The following HSD17B13 variants were observed in gnomAD, a reference collection of about 807,000 sequenced individuals.
The protein encoded by HSD17B13 is hydroxysteroid 17-beta dehydrogenase 13, also known as 17-beta-hydroxysteroid dehydrogenase 13.
In HSD17B13, 26 loss-of-function variants were observed where a neutral mutation model predicts 31.1. The ratio of observed to expected loss-of-function variants is 0.84; its 90% CI spans 0.61 to 1.16. HSD17B13 has a LOEUF of 1.16. Ranked by LOEUF, HSD17B13 falls within the 50% of genes most tolerant of loss-of-function variation. HSD17B13 has a pLI of 0.00. For synonymous variants in HSD17B13, 141 were observed against 133.7 expected (o/e 1.05, Z -0.38); for missense variants, 374 against 366.5 (o/e 1.02, Z -0.17).
intron 1 of HSD17B13, among the ~76,000 whole-genome samples, chr4:87,319,946 A>G (rs1213280624): frequency 1.3e-5 from 2 of 152,240 alleles, no homozygotes; most frequent in Non-Finnish European, 2.9e-5. Context: ...AAGGTTTTAA[A>G]AATTATACTT....
chr4:87,305,866 A>G (rs1734379039), intron 6 of HSD17B13, among the ~76,000 whole-genome samples: 1 of 152,182 alleles, frequency 6.6e-6, no homozygotes, highest in Non-Finnish European at 1.5e-5. Flanking sequence ...GTGTGTTCTG[A>G]TTACAGCATC....
rs567774337 is a variant in HSD17B13 at position 87,310,284 on chromosome 4, A to G, written c.771T>C (p.Ile257=). The change falls in exon 6 of 7, where the codon ATT becomes ATC. Residue 257 remains isoleucine, a synonymous_variant. Coordinates refer to ENST00000328546, the MANE Select transcript of HSD17B13 (RefSeq NM_178135.5). ...IDGILTNKKM[I]FVPSYINIFL... is the part of the protein sequence containing the mutation. ...AGATATTGATATACGATGGAACAAA[A>G]ATCATTTTCTTATTGGTAAGTATTC... 1.3e-6 allele frequency: 2 copies of G among 1,582,900 alleles called. No individual in the cohort carries two copies. The highest frequency in any genetic ancestry group is 2.3e-5 in the South Asian group (2 of 85,236).
chr4:87,305,061 A>C lies in HSD17B13; in HGVS notation c.*157T>G. 2.3e-6 allele frequency: 1 copy of C among 432,414 alleles called. No individual in the cohort carries two copies. Among genetic ancestry groups the C allele is most frequent in the Non-Finnish European group, 4.0e-6 (1 of 248,374 alleles). 26.8% of individuals were successfully genotyped at this position (432,414 alleles called of 1,614,324 possible). On this transcript the variant is annotated 3_prime_UTR_variant, in exon 7 of 7. Coordinates refer to ENST00000328546, the MANE Select transcript of HSD17B13 (RefSeq NM_178135.5). ...GTAAATATTCTTGAGAAACAGGAAG[A>C]CAGGTAATTAATCTTGTTCGTTTGA...
intron 5 of HSD17B13, among the ~76,000 whole-genome samples, chr4:87,311,782 C>T (rs1734534917): frequency 6.6e-6 from 1 of 152,168 alleles, no homozygotes; most frequent in African/African-American, 2.4e-5. Flanking sequence ...TGGTTTGCTG[C>T]AGATTATTAT....
intron 5 of HSD17B13, among the ~76,000 whole-genome samples, chr4:87,312,573 A>G (rs1194286382): frequency 1.8e-5 from 2 of 111,680 alleles, no homozygotes; most frequent in Non-Finnish European, 3.3e-5. Context: ...TCTGTCGCCC[A>G]GGCTGGAGTG....
intron 4 of HSD17B13, among the ~76,000 whole-genome samples, chr4:87,314,704 A>G (rs1303305490): frequency 6.7e-6 from 1 of 148,428 alleles, no homozygotes; most frequent in African/African-American, 2.5e-5. Flanking sequence ...AAATGTTTTG[A>G]TCCAGGGACC....
At chr4:87,306,711 C>T (rs1010212899) in intron 6 of HSD17B13, among the ~76,000 whole-genome samples, 1 of 151,906 alleles carries the variant, frequency 6.6e-6, no homozygotes, top group Admixed American at 6.6e-5. Flanking sequence ...TCGAGACCAG[C>T]TTGACCAACA....
chr4:87,314,971 T>C (rs1343987927), intron 4 of HSD17B13, among the ~76,000 whole-genome samples: 2 of 152,222 alleles, frequency 1.3e-5, no homozygotes, highest in Admixed American at 1.3e-4. Flanking sequence ...TAAACTACTA[T>C]AAATTTAAAT....
In HSD17B13 at chr4:87,315,522, G is replaced by A. The variant is rs759682197; in HGVS notation, c.528C>T (p.His176=). 23 of 1,610,560 alleles carry A rather than the reference G, an allele frequency of 1.4e-5. No individual in the cohort carries two copies. The highest frequency in any genetic ancestry group is 1.6e-4 in the Middle Eastern group (1 of 6,072). The part of the protein sequence containing the change: ...HIVTVASVCG[H]EGIPYLIPYC... ...ATGGGATGAGGTAAGGAATCCCTTC[G>A]TGGCCGCACACTGAAGCCACTGTGA... is the stretch of plus-strand genomic sequence containing the variant. The change falls in exon 4 of 7, where the codon CAC becomes CAT. Residue 176 remains histidine, a synonymous_variant. Transcript: ENST00000328546.
chr4:87,308,010 T>TA (rs1734430335), intron 6 of HSD17B13, among the ~76,000 whole-genome samples: 3 of 152,350 alleles, frequency 2.0e-5, no homozygotes, highest in Admixed American at 2.0e-4. Context: ...TATAGTTATC[T>TA]TCTCACTGAT....
rs1332155863 is a variant in HSD17B13 at position 87,304,656 on chromosome 4, TAATA to T, written c.*558_*561del. The T allele has an allele frequency of 2.0e-5, 3 of 152,198 alleles. No individual in the cohort carries two copies. The highest frequency in any genetic ancestry group is 7.2e-5 in the African/African-American group (3 of 41,436). The allele number at this position is 152,198 out of a possible 1,614,324, so 9.4% of individuals were successfully genotyped here. A position where few individuals can be genotyped will look rare whatever the true frequency, so the allele number is the denominator to read the frequency against. Reference sequence around the variant, plus strand: ...GAGTTATACAGAAGACAGAATCAAGTAATAAAGTCCAGAATAGAGTTGCACCGTT... The same window carrying T: ...GAGTTATACAGAAGACAGAATCAAGTAAGTCCAGAATAGAGTTGCACCGTT... On this transcript the variant is annotated 3_prime_UTR_variant, in exon 7 of 7. Coordinates refer to ENST00000328546, the MANE Select transcript of HSD17B13 (RefSeq NM_178135.5).
At chr4:87,309,062 A>T (rs1734464383) in intron 6 of HSD17B13, among the ~76,000 whole-genome samples, 2 of 152,282 alleles carry the variant, frequency 1.3e-5, no homozygotes, top group East Asian at 3.9e-4. Flanking sequence ...AAAATTTTTT[A>T]AAATGCCACT....
chr4:87,305,328 A>C lies in HSD17B13; in HGVS notation c.813-20T>G, dbSNP rs6850131. On this transcript the variant is annotated intron_variant, in intron 6 of 6. Transcript: ENST00000328546. Reference sequence around the variant, plus strand: ...AGAAACCTGTACAAAAAAGAAAAAAAAATTGAAAAATTTTCCATTTAAAAT... The same window carrying C: ...AGAAACCTGTACAAAAAAGAAAAAACAATTGAAAAATTTTCCATTTAAAAT... 0.46 allele frequency: 703,230 copies of C among 1,518,034 alleles called. 167,383 individuals carry two copies. The highest frequency in any genetic ancestry group is 0.66 in the African/African-American group (47,507 of 71,648). The allele number at this position is 1,518,034 out of a possible 1,614,324, so 94.0% of individuals were successfully genotyped here.
rs774146825 is a variant in HSD17B13 at position 87,310,357 on chromosome 4, A to G, written c.698T>C (p.Leu233Ser). The G allele has an allele frequency of 5.9e-5, 86 of 1,457,066 alleles. No individual in the cohort carries two copies. Among genetic ancestry groups the G allele is most frequent in the Non-Finnish European group, 7.5e-5 (83 of 1,105,848 alleles). 90.3% of individuals were successfully genotyped at this position (1,457,066 alleles called of 1,614,324 possible). A position where few individuals can be genotyped will look rare whatever the true frequency, so the allele number is the denominator to read the frequency against. The change falls in exon 6 of 7, where the codon TTA becomes TCA. Residue 233 changes from leucine to serine, a missense_variant and splice_region_variant. Transcript: ENST00000328546. ...TGFTKNPSTR[L>S]WPVLETDEVV... Reference sequence around the variant, plus strand: ...TTCATCTGTCTCCAATACAGGCCATAATCTGTGATTAAAAAGAGGAAAATA... The same window carrying G: ...TTCATCTGTCTCCAATACAGGCCATGATCTGTGATTAAAAAGAGGAAAATA...
intron 3 of HSD17B13, 122 bp from the exon 4 acceptor site, chr4:87,315,721 A>G (rs1174051982): frequency 3.7e-6 from 2 of 536,356 alleles, no homozygotes; most frequent in African/African-American, 3.8e-5. Context: ...GAAATAAAAT[A>G]CTTCCAAGCA....
chr4:87,318,520 C>T, intron 1 of HSD17B13, 84 bp from the exon 2 acceptor site: 5 of 1,142,658 alleles, frequency 4.4e-6, no homozygotes, highest in Non-Finnish European at 6.6e-6. Context: ...TAACATTCGG[C>T]TAGGCGCGGT....
intron 2 of HSD17B13, among the ~76,000 whole-genome samples, chr4:87,318,090 A>G (rs1273035892): frequency 6.6e-6 from 1 of 152,194 alleles, no homozygotes; most frequent in African/African-American, 2.4e-5. Context: ...ACTCTGTGCC[A>G]CTGCTCACAC....
intron 1 of HSD17B13, among the ~76,000 whole-genome samples, chr4:87,322,020 A>G (rs1390303864): frequency 1.3e-5 from 2 of 152,240 alleles, no homozygotes; most frequent in East Asian, 3.8e-4. Flanking sequence ...GAACACAGGA[A>G]AAATACTAAT....
intron 6 of HSD17B13, 57 bp downstream of exon 6, chr4:87,310,186 G>GA (rs148307323): frequency 0.17 from 219,484 of 1,312,420 alleles, 7,611 homozygotes; most frequent in African/African-American, 0.28. Context: ...AAAAAAAAAA[G>GA]CAAAAAAAAA....
Sources: gnomAD v4.1 joint callset for allele counts (sites outside exome capture counted in the v4.1 genomes callset) on GRCh38, gnomAD v4.1.1 for gene constraint, MANE v1.5 for transcripts, NCBI Gene and HGNC (gene_info 2026-07-23, HGNC 2026-07-21) for gene names.